The following LEKR1 variants were observed in gnomAD, a reference collection of about 807,000 sequenced individuals.
The protein encoded by LEKR1 is protein LEKR1.
In LEKR1, 59 loss-of-function variants were observed where a neutral mutation model predicts 72.4. The observed-to-expected ratio is 0.82, with a 90% CI of 0.66 to 1.01. The LOEUF is 1.01. Ranked by LOEUF, LEKR1 falls within the 50% of genes least tolerant of loss-of-function variation. LEKR1 has a pLI of 0.00. For missense variants in LEKR1, 728 were observed against 759.2 expected (o/e 0.96, Z 0.48); for synonymous variants, 257 against 263.2 (o/e 0.98, Z 0.23).
At chr3:157,020,279 A>ATTATTG (rs1437689314) in intron 10 of LEKR1, among the ~76,000 whole-genome samples, 1 of 147,032 alleles carries the variant, frequency 6.8e-6, no homozygotes, top group Non-Finnish European at 1.5e-5. Flanking sequence ...TATTATTATT[A>ATTATTG]TTATTATTAT....
At chr3:156,975,536 T>C (rs1162479130) in intron 6 of LEKR1, among the ~76,000 whole-genome samples, 1 of 152,166 alleles carries the variant, frequency 6.6e-6, no homozygotes, top group Non-Finnish European at 1.5e-5. Flanking sequence ...CAAGTGACTA[T>C]GAAGTTTTAT....
intron 6 of LEKR1, among the ~76,000 whole-genome samples, chr3:156,945,443 T>C (rs578033131): frequency 5.5e-4 from 83 of 151,786 alleles, no homozygotes; most frequent in African/African-American, 1.9e-3. Context: ...CTGCAGAATG[T>C]TTTTAACTTG....
At chr3:156,963,050 C>T (rs994689254) in intron 6 of LEKR1, among the ~76,000 whole-genome samples, 1 of 152,154 alleles carries the variant, frequency 6.6e-6, no homozygotes, top group Non-Finnish European at 1.5e-5. Context: ...CATTCTTTCT[C>T]CCATTATATA....
chr3:156,861,689 G>T (rs1161953729), intron 3 of LEKR1, among the ~76,000 whole-genome samples: 1 of 151,926 alleles, frequency 6.6e-6, no homozygotes, highest in Non-Finnish European at 1.5e-5. Flanking sequence ...TAGACACAGG[G>T]CCATTAAAAA....
At chr3:157,023,241 C>T (rs1577011042) in intron 10 of LEKR1, among the ~76,000 whole-genome samples, 1 of 152,122 alleles carries the variant, frequency 6.6e-6, no homozygotes, top group African/African-American at 2.4e-5. Flanking sequence ...TAGAGCCAGA[C>T]TGTCACTGGG....
At chr3:156,947,379 GAAC>G (rs1726780185) in intron 6 of LEKR1, among the ~76,000 whole-genome samples, 3 of 151,064 alleles carry the variant, frequency 2.0e-5, no homozygotes, top group African/African-American at 7.3e-5. Context: ...TCACTACATA[GAAC>G]TACTATCTGT....
intron 3 of LEKR1, among the ~76,000 whole-genome samples, chr3:156,885,418 A>G (rs1157481661): frequency 1.3e-5 from 2 of 152,214 alleles, no homozygotes; most frequent in Non-Finnish European, 2.9e-5. Flanking sequence ...AGACTGTTTC[A>G]GTGGAGAAGT....
At chr3:156,829,882 C>T (rs565181335) in intron 2 of LEKR1, among the ~76,000 whole-genome samples, 17 of 151,990 alleles carry the variant, frequency 1.1e-4, no homozygotes, top group African/African-American at 3.4e-4. Flanking sequence ...AACTCACAGG[C>T]GAACCAAGTA....
At chr3:156,972,591 C>A (rs1729320429) in intron 6 of LEKR1, among the ~76,000 whole-genome samples, 1 of 150,806 alleles carries the variant, frequency 6.6e-6, no homozygotes, top group African/African-American at 2.4e-5. Flanking sequence ...TTCACCGAGG[C>A]CAAATGAGAC....
intron 5 of LEKR1, among the ~76,000 whole-genome samples, chr3:156,936,762 A>C (rs1405966716): frequency 2.0e-5 from 3 of 152,176 alleles, no homozygotes; most frequent in African/African-American, 7.2e-5. Flanking sequence ...ATGCTGGAAC[A>C]ATTGGATATC....
At chr3:157,025,367 C>G (rs1287232226) in intron 11 of LEKR1, among the ~76,000 whole-genome samples, 3 of 152,046 alleles carry the variant, frequency 2.0e-5, no homozygotes, top group Non-Finnish European at 4.4e-5. Context: ...GTAATTACAC[C>G]TCCCTAAATT....
intron 2 of LEKR1, among the ~76,000 whole-genome samples, chr3:156,844,389 C>G (rs1487399056): frequency 6.6e-6 from 1 of 152,064 alleles, no homozygotes; most frequent in African/African-American, 2.4e-5. Context: ...GTGGTAACAT[C>G]TGGCAAAACT....
chr3:157,004,986 A>C (rs1352176815), intron 9 of LEKR1, among the ~76,000 whole-genome samples: 1 of 152,082 alleles, frequency 6.6e-6, no homozygotes, highest in Non-Finnish European at 1.5e-5. Flanking sequence ...AGACAATATC[A>C]GTGAAACAAA....
In LEKR1 at chr3:156,975,349, G is replaced by A. The variant is rs111548739; in HGVS notation, c.746-3845G>A. On this transcript the variant is annotated intron_variant, in intron 6 of 12. Transcript: ENST00000356539. ...TGGGTGCCAGTTCATCTGCCTGCTTGTTCTTCCATTATGCTACTTTAACCT... is the reference window on the plus strand; with the variant it reads ...TGGGTGCCAGTTCATCTGCCTGCTTATTCTTCCATTATGCTACTTTAACCT... 6.9e-4 allele frequency among the ~76,000 whole-genome samples: 105 copies of A among 151,898 alleles called. 1 individual carries two copies. The highest frequency in any genetic ancestry group is 3.4e-3 in the Middle Eastern group (1 of 294).
intron 3 of LEKR1, among the ~76,000 whole-genome samples, chr3:156,919,860 A>AT (rs1343144853): frequency 6.6e-6 from 1 of 152,134 alleles, no homozygotes; most frequent in Non-Finnish European, 1.5e-5. Flanking sequence ...TTTCATGTTT[A>AT]TATACTTACA....
At chr3:157,014,359 T>C (rs1165612131) in intron 10 of LEKR1, among the ~76,000 whole-genome samples, 1 of 152,072 alleles carries the variant, frequency 6.6e-6, no homozygotes, top group Non-Finnish European at 1.5e-5. Flanking sequence ...AAACCTTATT[T>C]CTTGGCTGAA....
chr3:156,896,613 A>G (rs948323787), intron 3 of LEKR1, among the ~76,000 whole-genome samples: 3 of 152,226 alleles, frequency 2.0e-5, no homozygotes, highest in Admixed American at 6.5e-5. Flanking sequence ...AGAAATGTAA[A>G]TTAGTTCAGC....
chr3:156,840,470 A>C (rs184577842), intron 2 of LEKR1, among the ~76,000 whole-genome samples: 1 of 152,344 alleles, frequency 6.6e-6, no homozygotes, highest in Admixed American at 6.5e-5. Context: ...AAAAAGATTG[A>C]CTTAAATTGT....
At chr3:156,989,584 C>A (rs1290994004) in intron 7 of LEKR1, among the ~76,000 whole-genome samples, 1 of 152,166 alleles carries the variant, frequency 6.6e-6, no homozygotes, top group East Asian at 1.9e-4. Flanking sequence ...TTGTGACTCA[C>A]CTGAGCCTTT....
Sources: gnomAD v4.1 joint callset for allele counts (sites outside exome capture counted in the v4.1 genomes callset) on GRCh38, gnomAD v4.1.1 for gene constraint, MANE v1.5 for transcripts, NCBI Gene and HGNC (gene_info 2026-07-23, HGNC 2026-07-21) for gene names.